The following RIT2 variants were observed in gnomAD, a reference collection of about 807,000 sequenced individuals.
The protein encoded by RIT2 is Ras like without CAAX 2.
RIT2 carries 24 observed loss-of-function variants against 23.7 expected under a neutral mutation model. The ratio of observed to expected loss-of-function variants is 1.01; its 90% CI spans 0.73 to 1.43. RIT2 has a LOEUF of 1.43. Ranked by LOEUF, RIT2 falls within the 40% of genes most tolerant of loss-of-function variation. RIT2 has a pLI of 0.00. For synonymous variants in RIT2, 107 were observed against 91.1 expected (o/e 1.17, Z -0.99); for missense variants, 236 against 266.9 (o/e 0.88, Z 0.81).
chr18:43,057,990 CA>C (rs1912549603), intron 1 of RIT2, among the ~76,000 whole-genome samples: 1 of 151,922 alleles, frequency 6.6e-6, no homozygotes, highest in Admixed American at 6.6e-5. Flanking sequence ...ACAAACAAAG[CA>C]AACTAGAAAT....
chr18:42,953,796 G>A lies in RIT2; in HGVS notation c.234+20278C>T, dbSNP rs553099919. On this transcript the variant is annotated intron_variant, in intron 3 of 4. Coordinates refer to ENST00000326695, the MANE Select transcript of RIT2 (RefSeq NM_002930.4). The stretch of plus-strand genomic sequence containing the variant: ...CATTTCTATAAATAAACGTTTAAAC[G>A]AAGTGTGGGATTTTAAAATAAACTA... Among the ~76,000 whole-genome samples, 27 of 152,196 alleles carry A rather than the reference G, an allele frequency of 1.8e-4. No individual in the cohort carries two copies. In the East Asian group the frequency reaches 2.5e-3, roughly 14 times the overall value.
At chr18:43,073,700 C>T (rs1306799391) in intron 1 of RIT2, among the ~76,000 whole-genome samples, 5 of 152,138 alleles carry the variant, frequency 3.3e-5, no homozygotes, top group Admixed American at 2.6e-4. Context: ...TGGACCCTGC[C>T]ATCCAGGAAT....
At chr18:42,858,532 T>G (rs1298453227) in intron 4 of RIT2, among the ~76,000 whole-genome samples, 2 of 152,218 alleles carry the variant, frequency 1.3e-5, no homozygotes, top group African/African-American at 4.8e-5. Flanking sequence ...GAATTTTTTA[T>G]AAAAGATGTA....
Position 42,804,884 on chromosome 18 carries a change from A to G in RIT2, c.427-61164T>C, listed in dbSNP as rs1003415706. On this transcript the variant is annotated intron_variant, in intron 4 of 4. Transcript: ENST00000326695. Reference sequence around the variant, plus strand: ...GATATTCCCTAATCAGGCACACATGAGATAGTGCGCAGGGCAGTGTGAGGC... The same window carrying G: ...GATATTCCCTAATCAGGCACACATGGGATAGTGCGCAGGGCAGTGTGAGGC... Among the ~76,000 whole-genome samples, 3 of 152,202 alleles carry G rather than the reference A, an allele frequency of 2.0e-5. 1 individual carries two copies. Among genetic ancestry groups the G allele is most frequent in the African/African-American group, 7.2e-5 (3 of 41,454 alleles).
At chr18:42,794,411 A>C (rs1167015206) in intron 4 of RIT2, among the ~76,000 whole-genome samples, 1 of 152,234 alleles carries the variant, frequency 6.6e-6, no homozygotes, top group African/African-American at 2.4e-5. Flanking sequence ...ATCATATTGA[A>C]AGGTATAGAT....
chr18:42,825,396 C>A (rs1352069170), intron 4 of RIT2, among the ~76,000 whole-genome samples: 2 of 151,630 alleles, frequency 1.3e-5, no homozygotes, highest in Non-Finnish European at 3.0e-5. Context: ...TAATTGATTG[C>A]TTGATTAAAA....
intron 4 of RIT2, among the ~76,000 whole-genome samples, chr18:42,855,864 C>G (rs571224596): frequency 3.4e-4 from 52 of 152,118 alleles, no homozygotes; most frequent in Non-Finnish European, 4.7e-4. Context: ...ATCTACTATA[C>G]ATAGATAACT....
chr18:42,874,395 T>C (rs1442736138), intron 4 of RIT2, among the ~76,000 whole-genome samples: 1 of 152,136 alleles, frequency 6.6e-6, no homozygotes. Flanking sequence ...TTGTTGAGGA[T>C]CCATGTTTCA....
chr18:42,886,308 T>C (rs1251028059), intron 4 of RIT2, among the ~76,000 whole-genome samples: 14 of 152,108 alleles, frequency 9.2e-5, no homozygotes. Flanking sequence ...GCGCGCAGAA[T>C]AACAATATAA....
At chr18:42,889,633 G>A (rs1340641917) in intron 4 of RIT2, among the ~76,000 whole-genome samples, 1 of 151,952 alleles carries the variant, frequency 6.6e-6, no homozygotes, top group Non-Finnish European at 1.5e-5. Context: ...ATTAGTGATA[G>A]CAAATATGCC....
intron 4 of RIT2, among the ~76,000 whole-genome samples, chr18:42,851,579 G>T (rs1020732587): frequency 6.6e-6 from 1 of 152,066 alleles, no homozygotes; most frequent in Non-Finnish European, 1.5e-5. Flanking sequence ...AGGGCTGGGC[G>T]CATGGCTCAG....
chr18:42,815,838 T>C (rs1010583284), intron 4 of RIT2, among the ~76,000 whole-genome samples: 11 of 152,146 alleles, frequency 7.2e-5, no homozygotes, highest in East Asian at 1.9e-4. Context: ...AGGGATACAA[T>C]AGTAACTACA....
At chr18:42,847,808 A>G (rs1287314922) in intron 4 of RIT2, among the ~76,000 whole-genome samples, 1 of 151,902 alleles carries the variant, frequency 6.6e-6, no homozygotes, top group Non-Finnish European at 1.5e-5. Context: ...TTTAAAAAAT[A>G]TAAGTTAAAT....
In RIT2 at chr18:42,936,927, G is replaced by A. The variant is rs567577270; in HGVS notation, c.235-13164C>T. Among the ~76,000 whole-genome samples the A allele has an allele frequency of 3.3e-5, 5 of 151,696 alleles. No homozygotes were observed. The South Asian group carries it at 8.3e-4, about 25-fold the overall frequency. ...CTCAGGAAACTGAGGCAGGGGAATC[G>A]CTTGAACCTGGGAGGCAGAGCTTGC... On this transcript the variant is annotated intron_variant, in intron 3 of 4. Coordinates refer to ENST00000326695, the MANE Select transcript of RIT2 (RefSeq NM_002930.4).
At chr18:42,824,249 CTTAGT>C (rs992958368) in intron 4 of RIT2, among the ~76,000 whole-genome samples, 1 of 152,018 alleles carries the variant, frequency 6.6e-6, no homozygotes, top group African/African-American at 2.4e-5. Context: ...GATAAATTCT[CTTAGT>C]TTAATTTCAC....
chr18:42,953,361 G>T (rs1909898743), intron 3 of RIT2, among the ~76,000 whole-genome samples: 1 of 151,964 alleles, frequency 6.6e-6, no homozygotes, highest in Admixed American at 6.6e-5. Flanking sequence ...TGATTAGAAA[G>T]GAAAGATACT....
intron 4 of RIT2, among the ~76,000 whole-genome samples, chr18:42,903,355 T>A (rs1908527707): frequency 6.6e-6 from 1 of 152,098 alleles, no homozygotes; most frequent in Admixed American, 6.6e-5. Context: ...ACAAAATATT[T>A]GCAGAAGTCG....
At chr18:43,032,690 G>A (rs1911884260) in intron 2 of RIT2, among the ~76,000 whole-genome samples, 1 of 758 alleles carries the variant, frequency 1.3e-3, no homozygotes, top group Admixed American at 0.017. Context: ...CATACTAATT[G>A]CATGTACTAA....
At chr18:42,865,759 T>C (rs1228573761) in intron 4 of RIT2, among the ~76,000 whole-genome samples, 2 of 152,138 alleles carry the variant, frequency 1.3e-5, no homozygotes, top group Admixed American at 6.5e-5. Context: ...TTAGAAAGAC[T>C]AAATCTAACT....
Sources: gnomAD v4.1 joint callset for allele counts (sites outside exome capture counted in the v4.1 genomes callset) on GRCh38, gnomAD v4.1.1 for gene constraint, MANE v1.5 for transcripts, NCBI Gene and HGNC (gene_info 2026-07-23, HGNC 2026-07-21) for gene names.